CRNKL1: variants seen among roughly 807,000 people sequenced by gnomAD.
CRNKL1 encodes crooked neck-like protein 1.
In CRNKL1, 35 loss-of-function variants were observed where a neutral mutation model predicts 103.7. The ratio of observed to expected loss-of-function variants is 0.34; its 90% CI spans 0.26 to 0.45. The LOEUF (loss-of-function observed/expected upper bound fraction) is 0.45, where lower values mean the gene tolerates loss of function less well. Among genes scored for constraint, CRNKL1 ranks in the 20% least tolerant of loss-of-function variants. The probability of loss-of-function intolerance (pLI) is 1.00; values close to 1 mark genes in which losing one functional copy is unlikely to be tolerated. For synonymous variants in CRNKL1, 267 were observed against 282.6 expected (o/e 0.94, Z 0.55); for missense variants, 645 against 836.0 (o/e 0.77, Z 2.82).
chr20:20,056,039 T>A, upstream of CRNKL1: 1 of 1,557,334 alleles, frequency 6.4e-7, no homozygotes, highest in Non-Finnish European at 8.8e-7. Context: ...CCAAAGAGTG[T>A]CGGAAAGGCT....
intron 5 of CRNKL1, among the ~76,000 whole-genome samples, 164 bp from the exon 6 acceptor site, chr20:20,045,650 T>C (rs1473328131): frequency 6.6e-6 from 1 of 152,204 alleles, no homozygotes; most frequent in African/African-American, 2.4e-5. Flanking sequence ...CAGTGGCTTC[T>C]GTGAGAGCAG....
rs748895824 is a variant in CRNKL1 at position 20,040,726 on chromosome 20, T to G, written c.1265A>C (p.Glu422Ala). The G allele has an allele frequency of 2.4e-5, 39 of 1,612,210 alleles. No homozygotes were observed. Among genetic ancestry groups the G allele is most frequent in the Non-Finnish European group, 3.2e-5 (38 of 1,179,788 alleles). Residue 422 changes from glutamate (E) to alanine (A), a missense_variant, in exon 10 of 14, where the codon GAA (glutamate) becomes GCA (alanine). Coordinates refer to ENST00000536226, the MANE Select transcript of CRNKL1 (RefSeq NM_001278628.2). ...AKMWILYAQF[E>A]IRQKNLSLAR... ...TAATGACAGATTCTTCTGTCGTATT[T>G]CAAACTGTGCATACAGTATCCACAT...
intron 10 of CRNKL1, among the ~76,000 whole-genome samples, chr20:20,040,418 C>T (rs1228203184): frequency 1.3e-5 from 2 of 151,926 alleles, no homozygotes; most frequent in East Asian, 3.9e-4. Flanking sequence ...TTACTAATTC[C>T]AGTCTGTGGA....
rs370539789 is a variant in CRNKL1, at chr20:20,042,392, T to C, written c.1097A>G (p.Lys366Arg). Residue 366 changes from lysine to arginine, a missense_variant, in exon 8 of 14, where the codon AAG becomes AGG. Lys to Arg is a conservative substitution (Grantham distance 26). Around this residue, in one of 2 missense-constraint regions of CRNKL1, gnomAD observed 582 missense variants for 707.7 expected, o/e 0.82. Coordinates refer to ENST00000536226, the MANE Select transcript of CRNKL1 (RefSeq NM_001278628.2). ...AIANVPPIQE[K>R]RHWKRYIYLW... Reference sequence around the variant, plus strand: ...ATAAATGTAGCGCTTCCAGTGCCTCTTCTCCTGAATGGGTGGGACATTGGC... The same window carrying C: ...ATAAATGTAGCGCTTCCAGTGCCTCCTCTCCTGAATGGGTGGGACATTGGC... The C allele has an allele frequency of 1.7e-5, 27 of 1,614,072 alleles. No homozygotes were observed. The highest frequency in any genetic ancestry group is 2.3e-5 in the Non-Finnish European group (27 of 1,180,034).
rs1309326659 is a variant in CRNKL1, at chr20:20,045,300, ATACT to A, written c.801+4_801+7del. The stretch of plus-strand genomic sequence containing the variant: ...GTTTTACAGTATAATGAAGTTAGGT[ATACT>A]TACCTCTTTCTGATTTTCTTCAAAC... On this transcript the variant is annotated splice_donor_5th_base_variant and intron_variant, in intron 6 of 13. Transcript: ENST00000536226. 2 of 1,606,980 alleles carry A rather than the reference ATACT, an allele frequency of 1.2e-6. No homozygotes were observed. The highest frequency in any genetic ancestry group is 1.7e-6 in the Non-Finnish European group (2 of 1,175,772).
At chr20:20,055,515 C>G (rs1392150163), upstream of CRNKL1, among the ~76,000 whole-genome samples, 2 of 152,114 alleles carry the variant, frequency 1.3e-5, no homozygotes, top group Non-Finnish European at 2.9e-5. Context: ...CCATTCTATC[C>G]CCAAAACCTG....
Position 20,045,535 on chromosome 20 carries a change from A to G in CRNKL1, c.623-49T>C. On this transcript the variant is annotated intron_variant, in intron 5 of 13. Coordinates refer to ENST00000536226, the MANE Select transcript of CRNKL1 (RefSeq NM_001278628.2). ...CAGGCAAAACAGCATGGCTTAAAAA[A>G]ATAGTAAGTAAGTAAACACCAAAAC... 3.3e-6 allele frequency: 5 copies of G among 1,522,228 alleles called. 1 individual carries two copies. In the South Asian group the frequency reaches 6.2e-5, roughly 19 times the overall value. The allele number at this position is 1,522,228 out of a possible 1,614,324, so 94.3% of individuals were successfully genotyped here.
At chr20:20,043,010 T>G (rs2043539542) in intron 7 of CRNKL1, among the ~76,000 whole-genome samples, 1 of 152,180 alleles carries the variant, frequency 6.6e-6, no homozygotes, top group African/African-American at 2.4e-5. Flanking sequence ...TATTTTTAAA[T>G]ACACAACAGA....
chr20:20,052,854 A>T (rs941862684), upstream of CRNKL1: 46 of 834,444 alleles, frequency 5.5e-5, no homozygotes, highest in Non-Finnish European at 7.4e-5. Context: ...TGCCTCGAGC[A>T]TTGCATTCTA....
chr20:20,050,735 C>A, intron 1 of CRNKL1, 113 bp from the exon 2 acceptor site: 1 of 880,408 alleles, frequency 1.1e-6, no homozygotes, highest in Non-Finnish European at 1.7e-6. Flanking sequence ...ACAAGATGCC[C>A]TTTTTGTATG....
chr20:20,039,217 G>C (rs923658301), intron 11 of CRNKL1, among the ~76,000 whole-genome samples: 2 of 152,214 alleles, frequency 1.3e-5, no homozygotes, highest in Non-Finnish European at 2.9e-5. Flanking sequence ...AAGTTGCAAG[G>C]ACATCCTGGT....
chr20:20,045,801 G>C (rs767853986), intron 5 of CRNKL1, among the ~76,000 whole-genome samples: 2 of 152,160 alleles, frequency 1.3e-5, no homozygotes, highest in Non-Finnish European at 2.9e-5. Flanking sequence ...GAACTTAGAC[G>C]TCTAAGTCTC....
chr20:20,038,043 C>T (rs2043449846), intron 12 of CRNKL1, among the ~76,000 whole-genome samples: 1 of 151,256 alleles, frequency 6.6e-6, no homozygotes, highest in Admixed American at 6.6e-5. Flanking sequence ...GCCGAGATAA[C>T]GCCACTGCAC....
chr20:20,047,757 A>T lies in CRNKL1; in HGVS notation c.622+8T>A, dbSNP rs776250802. 2 of 1,612,658 alleles carry T rather than the reference A, an allele frequency of 1.2e-6. No homozygotes were observed. Among genetic ancestry groups the T allele is most frequent in the East Asian group, 2.2e-5 (1 of 44,818 alleles). On this transcript the variant is annotated splice_region_variant and intron_variant, in intron 5 of 13. Transcript: ENST00000536226. ...CATGGCACCATACAGATCTCGTCCAAAGGATATATCGCTCATAAATGGTGC... is the reference window on the plus strand; with the variant it reads ...CATGGCACCATACAGATCTCGTCCATAGGATATATCGCTCATAAATGGTGC...
At chr20:20,051,520 G>T (rs1308553691) in intron 1 of CRNKL1, among the ~76,000 whole-genome samples, 1 of 152,180 alleles carries the variant, frequency 6.6e-6, no homozygotes, top group Non-Finnish European at 1.5e-5. Context: ...TGATGATAAT[G>T]GTGATAGCTC....
At chr20:20,039,547 T>C (rs2043478275) in intron 11 of CRNKL1, 62 bp downstream of exon 11, 2 of 1,552,366 alleles carry the variant, frequency 1.3e-6, no homozygotes, top group Non-Finnish European at 8.8e-7. Context: ...ATTTAGATGG[T>C]CATCTAAAGT....
At position 20,039,708 on chromosome 20, in the gene CRNKL1, C is replaced by G; in HGVS notation, c.1446G>C (p.Trp482Cys). The part of the protein sequence containing the change: ...LEFGPENCTS[W>C]IKFAELETIL... The stretch of plus-strand genomic sequence containing the variant: ...TTGTCTCTAATTCAGCGAATTTAAT[C>G]CATGAGGTACAATTTTCAGGTCCAA... Residue 482 changes from tryptophan to cysteine, a missense_variant, in exon 11 of 14, where the codon TGG becomes TGC. By Grantham distance (215) the Trp-to-Cys change is radical. Around this residue, in one of 2 missense-constraint regions of CRNKL1, gnomAD observed 582 missense variants for 707.7 expected, o/e 0.82. Transcript: ENST00000536226. 1 of 1,614,184 alleles carries G rather than the reference C, an allele frequency of 6.2e-7. No individual in the cohort carries two copies. The highest frequency in any genetic ancestry group is 8.5e-7 in the Non-Finnish European group (1 of 1,180,032).
intron 5 of CRNKL1, 74 bp from the exon 6 acceptor site, chr20:20,045,560 C>T (rs2043580946): frequency 2.2e-6 from 3 of 1,354,612 alleles, no homozygotes; most frequent in South Asian, 2.9e-5. Context: ...AACACCAAAA[C>T]CATACCAAAG....
intron 7 of CRNKL1, 53 bp from the exon 8 acceptor site, chr20:20,042,569 G>C: frequency 6.6e-7 from 1 of 1,515,504 alleles, no homozygotes; most frequent in South Asian, 1.3e-5. Flanking sequence ...AGCTGCACTT[G>C]CCAGGTTAAG....
Sources: gnomAD v4.1 joint callset for allele counts (sites outside exome capture counted in the v4.1 genomes callset) on GRCh38, gnomAD v4.1.1 for gene constraint, gnomAD v4.1.1 regional missense constraint, MANE v1.5 for transcripts, NCBI Gene and HGNC (gene_info 2026-07-23, HGNC 2026-07-21) for gene names.